The following GRXCR1 variants were observed in gnomAD, a reference collection of about 807,000 sequenced individuals.
GRXCR1 encodes glutaredoxin domain-containing cysteine-rich protein 1.
In GRXCR1, 27 loss-of-function variants were observed where a neutral mutation model predicts 27.3. The ratio of observed to expected loss-of-function variants is 0.99; its 90% CI spans 0.73 to 1.37. The LOEUF (loss-of-function observed/expected upper bound fraction) is 1.37, where lower values mean the gene tolerates loss of function less well. GRXCR1 is among the 40% of genes most tolerant of loss of function. The probability of loss-of-function intolerance (pLI) is 0.00; values close to 1 mark genes in which losing one functional copy is unlikely to be tolerated. For missense variants in GRXCR1, 379 were observed against 354.4 expected (o/e 1.07, Z -0.56); for synonymous variants, 122 against 131.1 (o/e 0.93, Z 0.47).
intron 1 of GRXCR1, among the ~76,000 whole-genome samples, chr4:42,957,730 A>T (rs572011551): frequency 3.2e-4 from 48 of 151,602 alleles, no homozygotes; most frequent in African/African-American, 1.1e-3. Context: ...TGTATTCTTC[A>T]GTTTGTCAAT....
chr4:43,026,247 A>G (rs1713255208), intron 3 of GRXCR1, among the ~76,000 whole-genome samples: 1 of 152,168 alleles, frequency 6.6e-6, no homozygotes, highest in African/African-American at 2.4e-5. Flanking sequence ...CTAATATAAG[A>G]GCATCCAATA....
chr4:42,966,051 A>G (rs1261906756), intron 2 of GRXCR1, among the ~76,000 whole-genome samples: 1 of 152,062 alleles, frequency 6.6e-6, no homozygotes, highest in Non-Finnish European at 1.5e-5. Context: ...TCAAGGAAAA[A>G]AAAATACTTT....
intron 1 of GRXCR1, among the ~76,000 whole-genome samples, chr4:42,925,037 T>A (rs1747126441): frequency 6.6e-6 from 1 of 151,568 alleles, no homozygotes; most frequent in Non-Finnish European, 1.5e-5. Context: ...TGCCAATGTA[T>A]GCATTGGCCC....
At chr4:43,022,763 C>T (rs759327975) in intron 3 of GRXCR1, among the ~76,000 whole-genome samples, 81 of 152,152 alleles carry the variant, frequency 5.3e-4, no homozygotes, top group Non-Finnish European at 1.8e-4. Flanking sequence ...AGATCCAAAC[C>T]GATCCCACTT....
Position 42,963,009 on chromosome 4 carries a change from G to T in GRXCR1, c.502G>T (p.Val168Leu). 1 of 1,612,860 alleles carries T rather than the reference G, an allele frequency of 6.2e-7. No individual in the cohort carries two copies. The highest frequency in any genetic ancestry group is 8.5e-7 in the Non-Finnish European group (1 of 1,179,154). ...TAGAAAGATTTTCCAAAACCATCGC[G>T]TAAAATTTGAAGAGAAAAACATAGC... ...LVRKIFQNHR[V>L]KFEEKNIALN... Residue 168 changes from valine to leucine, a missense_variant, in exon 2 of 4, where the codon GTA becomes TTA. By Grantham distance (32) the Val-to-Leu change is conservative. Coordinates refer to ENST00000399770, the MANE Select transcript of GRXCR1 (RefSeq NM_001080476.3).
chr4:42,914,713 C>G (rs1043059721), intron 1 of GRXCR1, among the ~76,000 whole-genome samples: 6 of 151,946 alleles, frequency 3.9e-5, no homozygotes, highest in Non-Finnish European at 7.4e-5. Flanking sequence ...GGTCTTTGTC[C>G]CCACCCAACT....
chr4:43,012,156 G>T (rs1712771574), intron 2 of GRXCR1, among the ~76,000 whole-genome samples: 1 of 152,116 alleles, frequency 6.6e-6, no homozygotes, highest in Non-Finnish European at 1.5e-5. Context: ...TTCACTAACT[G>T]TCCTCAGTCT....
At chr4:42,905,070 A>C (rs1746555199) in intron 1 of GRXCR1, among the ~76,000 whole-genome samples, 1 of 152,204 alleles carries the variant, frequency 6.6e-6, no homozygotes, top group African/African-American at 2.4e-5. Flanking sequence ...TGCTGCCTCC[A>C]AACTTGGCTC....
intron 1 of GRXCR1, among the ~76,000 whole-genome samples, chr4:42,918,304 C>T (rs1211047473): frequency 6.6e-6 from 1 of 152,068 alleles, no homozygotes; most frequent in Admixed American, 6.6e-5. Flanking sequence ...ACTTCATGAC[C>T]TAAACACCTC....
intron 2 of GRXCR1, among the ~76,000 whole-genome samples, chr4:43,013,220 C>T (rs1712816367): frequency 6.6e-6 from 1 of 152,080 alleles, no homozygotes; most frequent in South Asian, 2.1e-4. Context: ...CTTGTATGTT[C>T]ATTACAGCAC....
At chr4:43,012,625 C>T (rs1246525684) in intron 2 of GRXCR1, among the ~76,000 whole-genome samples, 1 of 152,044 alleles carries the variant, frequency 6.6e-6, no homozygotes, top group African/African-American at 2.4e-5. Flanking sequence ...GTTCTAAATT[C>T]TTATATATTA....
Position 42,930,914 on chromosome 4 carries a change from G to GT in GRXCR1, c.385-31977dup, listed in dbSNP as rs557233511. ...CAAGCTAGTAAATTTTCTTGCTAAT[G>GT]TAAGAAATGACTTACATCAGGTGCA... On this transcript the variant is annotated intron_variant, in intron 1 of 3. Transcript: ENST00000399770. 3.5e-4 allele frequency among the ~76,000 whole-genome samples: 53 copies of GT among 152,036 alleles called. No homozygotes were observed. In the East Asian group the frequency reaches 0.01, roughly 30 times the overall value.
At chr4:42,954,130 G>C (rs1262200217) in intron 1 of GRXCR1, among the ~76,000 whole-genome samples, 2 of 152,132 alleles carry the variant, frequency 1.3e-5, no homozygotes, top group Non-Finnish European at 2.9e-5. Flanking sequence ...GCTTCAGTGA[G>C]TTTATGTCTT....
At chr4:42,999,925 T>C (rs1712295134) in intron 2 of GRXCR1, among the ~76,000 whole-genome samples, 1 of 152,254 alleles carries the variant, frequency 6.6e-6, no homozygotes, top group South Asian at 2.1e-4. Flanking sequence ...TGTGTCTTTG[T>C]TCACCTTTCG....
intron 1 of GRXCR1, among the ~76,000 whole-genome samples, chr4:42,912,366 A>AT (rs1276114866): frequency 1.3e-5 from 2 of 152,258 alleles, no homozygotes; most frequent in Middle Eastern, 3.4e-3. Flanking sequence ...TTCATGCTTC[A>AT]TTTTTTATAT....
At chr4:42,982,498 T>A (rs1416697371) in intron 2 of GRXCR1, among the ~76,000 whole-genome samples, 2 of 121,904 alleles carry the variant, frequency 1.6e-5, no homozygotes, top group East Asian at 4.5e-4. Context: ...CTATTGTGAA[T>A]AATGCTGCAA....
At chr4:42,957,445 C>T (rs1281089921) in intron 1 of GRXCR1, among the ~76,000 whole-genome samples, 1 of 151,940 alleles carries the variant, frequency 6.6e-6, no homozygotes, top group Non-Finnish European at 1.5e-5. Flanking sequence ...TTATTTTGTA[C>T]TCTAATATTG....
intron 2 of GRXCR1, among the ~76,000 whole-genome samples, chr4:42,992,066 A>T (rs28406464): frequency 0.016 from 2,424 of 152,046 alleles, 72 homozygotes; most frequent in African/African-American, 0.054. Flanking sequence ...TCCTTTTCCA[A>T]TTTTTAATCA....
intron 1 of GRXCR1, among the ~76,000 whole-genome samples, chr4:42,953,938 G>T (rs1236150671): frequency 2.0e-5 from 3 of 152,084 alleles, no homozygotes; most frequent in African/African-American, 7.2e-5. Flanking sequence ...TATATTTAAA[G>T]ATAAGAAAAC....
Sources: gnomAD v4.1 joint callset for allele counts (sites outside exome capture counted in the v4.1 genomes callset) on GRCh38, gnomAD v4.1.1 for gene constraint, MANE v1.5 for transcripts, NCBI Gene and HGNC (gene_info 2026-07-23, HGNC 2026-07-21) for gene names.